Variants in RNF24 observed in about 807,000 individuals in gnomAD.
RNF24 encodes the protein ring finger protein 24.
Under a neutral mutation model 20.0 loss-of-function variants are expected in RNF24, and 14 were observed. That is an observed-to-expected ratio of 0.70 (90% CI 0.46 to 1.10). RNF24 has a LOEUF of 1.10. Among genes scored for constraint, RNF24 ranks in the 50% least tolerant of loss-of-function variants. The pLI is 0.00. For synonymous variants in RNF24, 45 were observed against 61.1 expected (o/e 0.74, Z 1.23); for missense variants, 124 against 177.6 (o/e 0.70, Z 1.71).
chr20:3,974,844 T>C (rs1014635482), intron 1 of RNF24, among the ~76,000 whole-genome samples: 4 of 152,130 alleles, frequency 2.6e-5, no homozygotes, highest in Non-Finnish European at 5.9e-5. Flanking sequence ...AATTGATATA[T>C]AGGTTTAACA....
chr20:3,995,717 A>G (rs1394946989), intron 1 of RNF24, among the ~76,000 whole-genome samples: 1 of 152,172 alleles, frequency 6.6e-6, no homozygotes, highest in East Asian at 1.9e-4. Flanking sequence ...TTTAAGAAAG[A>G]TATGTGAAGA....
intron 1 of RNF24, among the ~76,000 whole-genome samples, chr20:4,004,448 A>G (rs576494968): frequency 1.3e-5 from 2 of 152,050 alleles, no homozygotes; most frequent in Non-Finnish European, 2.9e-5. Flanking sequence ...AGATATGTCC[A>G]TTTCTTAACA....
chr20:3,927,863 C>A lies in RNF24; in HGVS notation c.*6200G>T, dbSNP rs1049014412. ...TCTGCTGACACTGGTGGGGCCCTTA[C>A]AGTCACAGAAGTAAGGACTGGATGG... On this transcript the variant is annotated 3_prime_UTR_variant, in exon 6 of 6. Coordinates refer to ENST00000358395, the MANE Select transcript of RNF24 (RefSeq NM_001134337.3). 2 of 152,226 alleles carry A rather than the reference C, an allele frequency of 1.3e-5. No homozygotes were observed. Among genetic ancestry groups the A allele is most frequent in the Admixed American group, 6.5e-5 (1 of 15,288 alleles). 9.4% of individuals were successfully genotyped at this position (152,226 alleles called of 1,614,324 possible).
Position 3,934,833 on chromosome 20 carries a change from A to G in RNF24, c.308+161T>C, listed in dbSNP as rs373154024. ...ACTCTGCTGTCTCCTAATGTCACGC[A>G]CACACACACACATCCCACCTGTAGG... On this transcript the variant is annotated intron_variant, in intron 5 of 5. Coordinates refer to ENST00000358395, the MANE Select transcript of RNF24 (RefSeq NM_001134337.3). The surrounding 1 kb of genome is among the most constrained non-coding windows in gnomAD (Gnocchi z 4.0). Among the ~76,000 whole-genome samples the G allele has an allele frequency of 9.9e-5, 15 of 152,018 alleles. No homozygotes were observed. Among genetic ancestry groups the G allele is most frequent in the East Asian group, 1.9e-4 (1 of 5,170 alleles).
chr20:3,991,645 A>C (rs1980451215), intron 1 of RNF24, among the ~76,000 whole-genome samples: 1 of 152,178 alleles, frequency 6.6e-6, no homozygotes, highest in Non-Finnish European at 1.5e-5. Flanking sequence ...GACTTAGTTG[A>C]AAATCCTGGC....
At chr20:4,006,149 G>A (rs976828745) in intron 1 of RNF24, among the ~76,000 whole-genome samples, 17 of 152,136 alleles carry the variant, frequency 1.1e-4, no homozygotes, top group Admixed American at 4.6e-4. Flanking sequence ...GGCTGAGGCG[G>A]GTAGAACACC....
chr20:3,988,626 AT>A (rs893932471), intron 1 of RNF24, among the ~76,000 whole-genome samples: 3 of 151,842 alleles, frequency 2.0e-5, no homozygotes, highest in Non-Finnish European at 4.4e-5. Flanking sequence ...AGTCCAGCTA[AT>A]TTTTTTATTT....
Position 3,930,596 on chromosome 20 carries a change from C to G in RNF24, c.*3467G>C, listed in dbSNP as rs1437268794. 6.6e-6 allele frequency: 1 copy of G among 152,226 alleles called. No individual in the cohort carries two copies. The highest frequency in any genetic ancestry group is 1.5e-5 in the Non-Finnish European group (1 of 68,042). 9.4% of individuals were successfully genotyped at this position (152,226 alleles called of 1,614,324 possible). ...GGCTAGTGAGTGACAAGAGGTGATT[C>G]CATCACTCTCTGCCTGGAGCTCTGG... On this transcript the variant is annotated 3_prime_UTR_variant, in exon 6 of 6. Coordinates refer to ENST00000358395, the MANE Select transcript of RNF24 (RefSeq NM_001134337.3).
intron 4 of RNF24, 54 bp downstream of exon 4, chr20:3,945,123 C>T (rs978668571): frequency 1.3e-6 from 2 of 1,585,318 alleles, no homozygotes; most frequent in African/African-American, 2.7e-5. Context: ...CATACCACAG[C>T]ATACCACTGC....
At chr20:3,978,130 C>T (rs1170661228) in intron 1 of RNF24, among the ~76,000 whole-genome samples, 2 of 149,208 alleles carry the variant, frequency 1.3e-5, no homozygotes, top group Non-Finnish European at 3.0e-5. Flanking sequence ...AGTGCAGTGG[C>T]GTGATCTCGG....
Position 3,934,348 on chromosome 20 carries a change from C to T in RNF24, c.309-147G>A. 1.4e-6 allele frequency: 1 copy of T among 726,338 alleles called. No homozygotes were observed. The highest frequency in any genetic ancestry group is 1.9e-5 in the African/African-American group (1 of 53,552). 45.0% of individuals were successfully genotyped at this position (726,338 alleles called of 1,614,324 possible). A position where few individuals can be genotyped will look rare whatever the true frequency, so the allele number is the denominator to read the frequency against. On this transcript the variant is annotated intron_variant, in intron 5 of 5. Transcript: ENST00000358395. This position sits in a 1 kb window ranked among gnomAD's most constrained non-coding sequence, Gnocchi z 4.0. ...CTCCTAGGTGGTGAACGGATGTCAC[C>T]CCCTGGAGAGAGGGAAGAGACAGAG...
At chr20:3,969,252 G>A (rs575853296) in intron 1 of RNF24, among the ~76,000 whole-genome samples, 1 of 152,256 alleles carries the variant, frequency 6.6e-6, no homozygotes, top group African/African-American at 2.4e-5. Flanking sequence ...ATCACTGTCT[G>A]TATCTCCATT....
chr20:3,948,109 T>C (rs2091041340), intron 3 of RNF24, 128 bp downstream of exon 3: 1 of 664,484 alleles, frequency 1.5e-6, no homozygotes, highest in South Asian at 1.7e-5. Flanking sequence ...ATACTGCAAA[T>C]TGGCAGTGAG....
At chr20:3,957,867 C>T (rs900699308) in intron 2 of RNF24, among the ~76,000 whole-genome samples, 1 of 152,216 alleles carries the variant, frequency 6.6e-6, no homozygotes, top group South Asian at 2.1e-4. Context: ...ATGATAAAAC[C>T]GTGTAGCTTA....
chr20:3,988,423 G>T (rs577705616), intron 1 of RNF24, among the ~76,000 whole-genome samples: 1 of 150,580 alleles, frequency 6.6e-6, no homozygotes, highest in East Asian at 1.9e-4. Flanking sequence ...TTATTCACTG[G>T]AATTAATATA....
intron 1 of RNF24, among the ~76,000 whole-genome samples, chr20:3,994,321 TGTA>T (rs1980690331): frequency 6.6e-6 from 1 of 152,210 alleles, no homozygotes; most frequent in Admixed American, 6.5e-5. Flanking sequence ...ATGTATCAGT[TGTA>T]TTTGTGACAC....
intron 4 of RNF24, among the ~76,000 whole-genome samples, chr20:3,939,977 A>T (rs1230058139): frequency 6.6e-6 from 1 of 151,432 alleles, no homozygotes; most frequent in Admixed American, 6.6e-5. Context: ...TTTTTTTTTG[A>T]GGTGGAGTTT....
At position 3,929,255 on chromosome 20, in the gene RNF24, T is replaced by C. The variant is rs1233076369; in HGVS notation, c.*4808A>G. 1.3e-5 allele frequency: 2 copies of C among 152,138 alleles called. No individual in the cohort carries two copies. The highest frequency in any genetic ancestry group is 2.9e-5 in the Non-Finnish European group (2 of 68,054). 9.4% of individuals were successfully genotyped at this position (152,138 alleles called of 1,614,324 possible). A position where few individuals can be genotyped will look rare whatever the true frequency, so the allele number is the denominator to read the frequency against. ...CTCTACAAAAAAATAATTACGAAAA[T>C]TAGCCAGGTGTGCTGGTGTGCACCT... On this transcript the variant is annotated 3_prime_UTR_variant, in exon 6 of 6. Coordinates refer to ENST00000358395, the MANE Select transcript of RNF24 (RefSeq NM_001134337.3).
intron 1 of RNF24, among the ~76,000 whole-genome samples, chr20:3,964,908 C>A (rs1044187542): frequency 2.0e-5 from 3 of 152,114 alleles, no homozygotes; most frequent in Non-Finnish European, 4.4e-5. Context: ...ACAGCCAGAG[C>A]CTCTCCAACT....
Sources: gnomAD v4.1 joint callset for allele counts (sites outside exome capture counted in the v4.1 genomes callset) on GRCh38, gnomAD v4.1.1 for gene constraint, Gnocchi (gnomAD v3.1) non-coding constraint, MANE v1.5 for transcripts, NCBI Gene and HGNC (gene_info 2026-07-23, HGNC 2026-07-21) for gene names.